Variants in SDHB observed in about 807,000 individuals in gnomAD.
SDHB encodes the protein succinate dehydrogenase complex iron sulfur subunit B.
SDHB carries 21 observed loss-of-function variants against 39.7 expected under a neutral mutation model. The ratio of observed to expected loss-of-function variants is 0.53; its 90% CI spans 0.37 to 0.76. The LOEUF (loss-of-function observed/expected upper bound fraction) is 0.76, where lower values mean the gene tolerates loss of function less well. Among genes scored for constraint, SDHB ranks in the 30% least tolerant of loss-of-function variants. The pLI, the probability that SDHB is intolerant of heterozygous loss-of-function variation, is 0.00. For synonymous variants in SDHB, 118 were observed against 117.0 expected (o/e 1.01, Z -0.06); for missense variants, 343 against 350.9 (o/e 0.98, Z 0.18).
intron 2 of SDHB, among the ~76,000 whole-genome samples, chr1:17,034,423 A>T (rs550181175): frequency 6.6e-6 from 1 of 152,098 alleles, no homozygotes; most frequent in African/African-American, 2.4e-5. Flanking sequence ...TGTTGGGATT[A>T]TGGGTGTGAG....
chr1:17,019,213 G>A (rs2077947654), intron 7 of SDHB, among the ~76,000 whole-genome samples: 2 of 152,178 alleles, frequency 1.3e-5, no homozygotes, highest in South Asian at 4.1e-4. Flanking sequence ...CACTCTAACA[G>A]GTAAACAGGC....
At chr1:17,036,303 G>C (rs2078049963) in intron 2 of SDHB, among the ~76,000 whole-genome samples, 1 of 151,978 alleles carries the variant, frequency 6.6e-6, no homozygotes, top group African/African-American at 2.4e-5. Flanking sequence ...CAGCATATAA[G>C]TCTTTTACTT....
chr1:17,033,106 C>T lies in SDHB; in HGVS notation c.240G>A (p.Lys80=). 1 of 1,613,988 alleles carries T rather than the reference C, an allele frequency of 6.2e-7. No homozygotes were observed. Among genetic ancestry groups the T allele is most frequent in the Non-Finnish European group, 8.5e-7 (1 of 1,179,862 alleles). Residue 80 remains lysine, a synonymous_variant, in exon 3 of 8, where the codon AAG becomes AAA. Transcript: ENST00000375499. The part of the protein sequence containing the change: ...PMVLDALIKI[K]NEVDSTLTFR... ...AGGTCAAAGTAGAGTCAACTTCATT[C>T]TTAATCTTGATTAAAGCATCCAATA... is the stretch of plus-strand genomic sequence containing the variant.
chr1:17,028,394 G>A (rs2078003246), intron 4 of SDHB, among the ~76,000 whole-genome samples: 1 of 152,146 alleles, frequency 6.6e-6, no homozygotes, highest in African/African-American at 2.4e-5. Context: ...CACTGTCTCA[G>A]ATCTGGAGAT....
intron 2 of SDHB, among the ~76,000 whole-genome samples, chr1:17,040,862 G>T (rs148271365): frequency 6.6e-6 from 1 of 151,852 alleles, no homozygotes; most frequent in Non-Finnish European, 1.5e-5. Flanking sequence ...GGGCATGGTG[G>T]CTCACGTCTG....
intron 1 of SDHB, among the ~76,000 whole-genome samples, chr1:17,050,038 G>C (rs767599895): frequency 1.3e-5 from 2 of 152,146 alleles, no homozygotes; most frequent in Non-Finnish European, 2.9e-5. Context: ...CACAAGGCCT[G>C]TGGGATGACT....
intron 2 of SDHB, among the ~76,000 whole-genome samples, chr1:17,037,138 A>G (rs546331972): frequency 1.3e-5 from 2 of 152,302 alleles, no homozygotes; most frequent in Admixed American, 1.3e-4. Flanking sequence ...GGTACAATAT[A>G]AAATGAAGAC....
intron 1 of SDHB, among the ~76,000 whole-genome samples, chr1:17,050,762 G>T (rs957659116): frequency 2.0e-5 from 3 of 152,172 alleles, no homozygotes; most frequent in Non-Finnish European, 4.4e-5. Flanking sequence ...TCATGGTTCT[G>T]AAAGTGATAG....
In SDHB at chr1:17,049,647, C is replaced by CTTTTTTTTTTTTTTTTTTTTTTT. The variant is rs397835910; in HGVS notation, c.72+4278_72+4300dup. Among the ~76,000 whole-genome samples the CTTTTTTTTTTTTTTTTTTTTTTT allele has an allele frequency of 1.3e-4, 7 of 52,066 alleles. 1 individual carries two copies. The highest frequency in any genetic ancestry group is 5.9e-4 in the African/African-American group (6 of 10,178). 34.2% of individuals were successfully genotyped at this position (52,066 alleles called of 152,430 possible). A position where few individuals can be genotyped will look rare whatever the true frequency, so the allele number is the denominator to read the frequency against. ...GGGACTGGAGCATAATCCCCTAGTT[C>CTTTTTTTTTTTTTTTTTTTTTTT]TTTTTTTTTTTTTTTTTTTTTTTTT... On this transcript the variant is annotated intron_variant, in intron 1 of 7. Coordinates refer to ENST00000375499, the MANE Select transcript of SDHB (RefSeq NM_003000.3).
At position 17,027,762 on chromosome 1, in the gene SDHB, T is replaced by C. The variant is rs201082445; in HGVS notation, c.527A>G (p.Glu176Gly). 6 of 1,590,898 alleles carry C rather than the reference T, an allele frequency of 3.8e-6. No individual in the cohort carries two copies. Among genetic ancestry groups the C allele is most frequent in the East Asian group, 2.2e-5 (1 of 44,802 alleles). ...GKQQYLQSIE[E>G]REKLDGLYEC... ...GGGACTAATGACCAGTTTCTCACGC[T>C]CTTCTATGGACTGCAGATACTGCTG... Residue 176 changes from glutamate to glycine, a missense_variant, in exon 5 of 8, where the codon GAG becomes GGG. By Grantham distance (98) the Glu-to-Gly change is moderately conservative. Coordinates refer to ENST00000375499, the MANE Select transcript of SDHB (RefSeq NM_003000.3).
At chr1:17,028,243 A>G (rs2078002549) in intron 4 of SDHB, among the ~76,000 whole-genome samples, 1 of 152,234 alleles carries the variant, frequency 6.6e-6, no homozygotes, top group African/African-American at 2.4e-5. Flanking sequence ...AGTTATGGCC[A>G]AATTATTCAT....
At chr1:17,051,842 ATT>A (rs376165201) in intron 1 of SDHB, among the ~76,000 whole-genome samples, 5,957 of 142,320 alleles carry the variant, frequency 0.042, 155 homozygotes, top group African/African-American at 0.073. Context: ...CATTTTTTAA[ATT>A]TTTTTTTTTT....
At chr1:17,046,568 G>A (rs538164601) in intron 1 of SDHB, among the ~76,000 whole-genome samples, 1 of 152,164 alleles carries the variant, frequency 6.6e-6, no homozygotes, top group South Asian at 2.1e-4. Context: ...CTATCATCAC[G>A]AGTCTGCCTT....
Position 17,028,613 on chromosome 1 carries a change from T to C in SDHB, c.410A>G (p.Lys137Arg). The C allele has an allele frequency of 6.2e-7, 1 of 1,614,174 alleles. No homozygotes were observed. Among genetic ancestry groups the C allele is most frequent in the South Asian group, 1.1e-5 (1 of 91,078 alleles). ...IYPLPHMYVI[K>R]DLVPDLSNFY... ...GCAGAAACTCACGGGAACAAGATCC[T>C]TTATCACATACATGTGTGGAAGAGG... is the stretch of plus-strand genomic sequence containing the variant. The change falls in exon 4 of 8, where the codon AAG (lysine) becomes AGG (arginine). Residue 137 changes from lysine to arginine, a missense_variant. By Grantham distance (26) the Lys-to-Arg change is conservative. Transcript: ENST00000375499.
intron 3 of SDHB, among the ~76,000 whole-genome samples, chr1:17,029,400 G>T (rs1384160647): frequency 2.0e-5 from 3 of 150,992 alleles, no homozygotes; most frequent in Non-Finnish European, 4.4e-5. Flanking sequence ...TGGGATTACA[G>T]GTCTGGGCCA....
chr1:17,032,312 C>T (rs1389942663), intron 3 of SDHB, among the ~76,000 whole-genome samples: 5 of 151,158 alleles, frequency 3.3e-5, no homozygotes, highest in African/African-American at 1.2e-4. Context: ...CTCAGCCTCC[C>T]GAGTAGCCAG....
At chr1:17,029,093 GTTT>G (rs746243819) in intron 3 of SDHB, among the ~76,000 whole-genome samples, 6 of 72,026 alleles carry the variant, frequency 8.3e-5, no homozygotes, top group East Asian at 5.3e-4. Context: ...AAATCAGCCT[GTTT>G]TTTTTTTTTT....
intron 6 of SDHB, 140 bp from the exon 7 acceptor site, chr1:17,022,870 G>A: frequency 9.2e-7 from 1 of 1,086,142 alleles, no homozygotes; most frequent in Non-Finnish European, 1.3e-6. Context: ...TTTAATTCTT[G>A]TCCATCTTTC....
chr1:17,025,268 A>G (rs1392199704), intron 5 of SDHB, among the ~76,000 whole-genome samples: 1 of 152,266 alleles, frequency 6.6e-6, no homozygotes. Context: ...AATGCTCACA[A>G]TAACATAAGT....
Sources: allele counts gnomAD v4.1 joint callset (sites outside exome capture counted in the v4.1 genomes callset), GRCh38; gene constraint gnomAD v4.1.1; transcripts MANE v1.5; gene names NCBI Gene and HGNC (gene_info 2026-07-23, HGNC 2026-07-21).